The following PPP1R7 variants were observed in gnomAD, a reference collection of about 807,000 sequenced individuals.
PPP1R7 encodes protein phosphatase 1 regulatory subunit 7, also known as protein phosphatase 1 regulatory subunit 22.
PPP1R7 carries 18 observed loss-of-function variants against 45.2 expected under a neutral mutation model. The ratio of observed to expected loss-of-function variants is 0.40; its 90% CI spans 0.28 to 0.59. The LOEUF is 0.59. PPP1R7 is among the 20% of genes least tolerant of loss of function. The probability of loss-of-function intolerance (pLI) is 0.46; values close to 1 mark genes in which losing one functional copy is unlikely to be tolerated. For missense variants in PPP1R7, 314 were observed against 455.8 expected (o/e 0.69, Z 2.83); for synonymous variants, 181 against 183.4 (o/e 0.99, Z 0.11).
rs1179294387 is a variant in PPP1R7, at chr2:241,153,110, A to AT, written c.53-365dup. On this transcript the variant is annotated intron_variant, in intron 1 of 9. Transcript: ENST00000234038. Reference sequence around the variant, plus strand: ...ATGTGGCAGAAGGGTCACAGTGGTGATCCCCCAGCCCAAAAGTGAAAGGCA... The same window carrying AT: ...ATGTGGCAGAAGGGTCACAGTGGTGATTCCCCCAGCCCAAAAGTGAAAGGCA... 3.3e-5 allele frequency among the ~76,000 whole-genome samples: 5 copies of AT among 152,326 alleles called. No individual in the cohort carries two copies. The East Asian group carries it at 9.6e-4, about 29-fold the overall frequency.
upstream of PPP1R7, chr2:241,150,075 C>T: frequency 7.8e-7 from 1 of 1,289,660 alleles, no homozygotes; most frequent in Non-Finnish European, 9.8e-7. Context: ...GACTGGCCCG[C>T]ACCTTGCAGC....
chr2:241,174,705 T>C (rs7568326), intron 9 of PPP1R7, among the ~76,000 whole-genome samples: 70,366 of 150,006 alleles, frequency 0.47, 17,242 homozygotes, highest in East Asian at 0.84. Flanking sequence ...GATAGAGTCT[T>C]GCTCTGTCGC....
chr2:241,174,790 T>G (rs912783856), intron 9 of PPP1R7, among the ~76,000 whole-genome samples: 1 of 151,760 alleles, frequency 6.6e-6, no homozygotes, highest in African/African-American at 2.4e-5. Context: ...TTCTCCTGCC[T>G]CAGTCTCCTG....
Position 241,160,321 on chromosome 2 carries a change from G to A in PPP1R7, c.435-11G>A. The stretch of plus-strand genomic sequence containing the variant: ...GAAATTTTTTTAAAAAACTGTTTTG[G>A]TTGTTCTCAGGATTCTAGATATTTC... On this transcript the variant is annotated splice_polypyrimidine_tract_variant and intron_variant, in intron 5 of 9. Coordinates refer to ENST00000234038, the MANE Select transcript of PPP1R7 (RefSeq NM_002712.3). 1.3e-6 allele frequency: 2 copies of A among 1,579,466 alleles called. No individual in the cohort carries two copies. Among genetic ancestry groups the A allele is most frequent in the Non-Finnish European group, 1.7e-6 (2 of 1,168,970 alleles).
upstream of PPP1R7, chr2:241,149,781 G>A (rs2125469761): frequency 1.3e-6 from 2 of 1,536,318 alleles, no homozygotes; most frequent in Non-Finnish European, 8.7e-7. Context: ...TCGTTCATGG[G>A]CCGGGTGGCT....
chr2:241,158,971 G>A (rs934404319), intron 4 of PPP1R7: 3 of 506,876 alleles, frequency 5.9e-6, no homozygotes, highest in African/African-American at 3.8e-5. Context: ...GGCCTGCTTG[G>A]TGGGGAGCCT....
chr2:241,150,984 G>A (rs996102846), intron 1 of PPP1R7, among the ~76,000 whole-genome samples: 1 of 152,200 alleles, frequency 6.6e-6, no homozygotes, highest in Non-Finnish European at 1.5e-5. Context: ...TCTTGAAATC[G>A]AATGGACTGT....
Position 241,151,395 on chromosome 2 carries a change from A to G in PPP1R7, c.52+848A>G, listed in dbSNP as rs34250086. 40 of 467,620 alleles carry G rather than the reference A, an allele frequency of 8.6e-5. No individual in the cohort carries two copies. In the East Asian group the frequency reaches 2.8e-3, roughly 33 times the overall value. The allele number at this position is 467,620 out of a possible 1,614,324, so 29.0% of individuals were successfully genotyped here. On this transcript the variant is annotated intron_variant, in intron 1 of 9. Coordinates refer to ENST00000234038, the MANE Select transcript of PPP1R7 (RefSeq NM_002712.3). ...GGAGCTGGGGAAGGAGGGCGGGTGCAGCAGGAAGGCCTGACATGTTAGGGA... is the reference window on the plus strand; with the variant it reads ...GGAGCTGGGGAAGGAGGGCGGGTGCGGCAGGAAGGCCTGACATGTTAGGGA...
In PPP1R7 at chr2:241,156,834, T is replaced by C. The variant is rs2067468773; in HGVS notation, c.182-973T>C. Among the ~76,000 whole-genome samples the C allele has an allele frequency of 2.0e-5, 3 of 152,176 alleles. 1 individual carries two copies. The highest frequency in any genetic ancestry group is 1.3e-4 in the Admixed American group (2 of 15,280). ...ACAATCTTTGGTGATATTGAGGAAT[T>C]ACTGTTAATTTTTTTAAGTGTTTTG... On this transcript the variant is annotated intron_variant, in intron 2 of 9. Transcript: ENST00000234038.
intron 6 of PPP1R7, 109 bp downstream of exon 6, chr2:241,160,603 A>G: frequency 1.0e-6 from 1 of 1,000,098 alleles, no homozygotes; most frequent in Non-Finnish European, 1.4e-6. Flanking sequence ...ATTTCTTACA[A>G]TGCTGTGATT....
At chr2:241,164,373 T>C (rs2067662264) in intron 7 of PPP1R7, among the ~76,000 whole-genome samples, 1 of 152,214 alleles carries the variant, frequency 6.6e-6, no homozygotes, top group Non-Finnish European at 1.5e-5. Flanking sequence ...TCAACCCTGT[T>C]AGACTTCTGC....
upstream of PPP1R7, chr2:241,150,015 A>G (rs1466524771): frequency 1.4e-6 from 2 of 1,397,872 alleles, no homozygotes; most frequent in Admixed American, 3.0e-5. Context: ...CGTTCGGCCC[A>G]TTGTACAGAC....
intron 7 of PPP1R7, 26 bp downstream of exon 7, chr2:241,163,427 C>T (rs772292569): frequency 6.6e-7 from 1 of 1,510,114 alleles, no homozygotes; most frequent in East Asian, 2.3e-5. Context: ...AGCCGCCCTT[C>T]CCTGCGAGCC....
intron 1 of PPP1R7, among the ~76,000 whole-genome samples, chr2:241,151,789 G>A (rs1015152073): frequency 6.6e-6 from 1 of 152,142 alleles, no homozygotes; most frequent in Non-Finnish European, 1.5e-5. Context: ...ACTTTTGAAA[G>A]TATCTCCAAA....
chr2:241,154,013 CTACAAAAAA>C (rs1205817419), intron 2 of PPP1R7, among the ~76,000 whole-genome samples: 1 of 151,382 alleles, frequency 6.6e-6, no homozygotes, highest in Non-Finnish European at 1.5e-5. Flanking sequence ...AACCCTGTCT[CTACAAAAAA>C]TACAAAAATT....
At chr2:241,175,209 C>T (rs1307844084) in intron 9 of PPP1R7, among the ~76,000 whole-genome samples, 1 of 152,152 alleles carries the variant, frequency 6.6e-6, no homozygotes, top group East Asian at 1.9e-4. Context: ...CCATCTTAAC[C>T]ATGTGGAAGT....
At chr2:241,151,552 G>T (rs1457951331) in intron 1 of PPP1R7, 2 of 471,238 alleles carry the variant, frequency 4.2e-6, no homozygotes, top group Non-Finnish European at 8.8e-6. Context: ...GCTGTCAAAA[G>T]GTGTGGAGGA....
intron 9 of PPP1R7, among the ~76,000 whole-genome samples, chr2:241,181,989 C>T (rs1371300274): frequency 1.7e-4 from 25 of 148,834 alleles, no homozygotes; most frequent in Non-Finnish European, 1.2e-4. Context: ...GGCGACAGAG[C>T]GAGACTCTGT....
chr2:241,150,328 GCCT>G, upstream of PPP1R7: 1 of 1,326,554 alleles, frequency 7.5e-7, no homozygotes, highest in Non-Finnish European at 9.7e-7. Flanking sequence ...GCGGCGCGCG[GCCT>G]CATGACGGAA....
Sources: gnomAD v4.1 joint callset for allele counts (sites outside exome capture counted in the v4.1 genomes callset) on GRCh38, gnomAD v4.1.1 for gene constraint, MANE v1.5 for transcripts, NCBI Gene and HGNC (gene_info 2026-07-23, HGNC 2026-07-21) for gene names.